CREBRF: variants seen among roughly 807,000 people sequenced by gnomAD.
CREBRF encodes UPF0474 protein C5orf41.
A neutral mutation model predicts 66.1 loss-of-function variants in CREBRF; 5 were observed. The observed-to-expected ratio is 0.08, with a 90% confidence interval of 0.04 to 0.16. CREBRF has a LOEUF of 0.16. Among genes scored for constraint, CREBRF ranks in the 10% least tolerant of loss-of-function variants. CREBRF has a pLI of 1.00. For synonymous variants in CREBRF, 229 were observed against 264.4 expected (o/e 0.87, Z 1.30); for missense variants, 531 against 744.9 (o/e 0.71, Z 3.34).
intron 4 of CREBRF, among the ~76,000 whole-genome samples, chr5:173,103,748 G>T (rs1299899890): frequency 6.6e-6 from 1 of 152,174 alleles, no homozygotes; most frequent in Non-Finnish European, 1.5e-5. Context: ...TTACATGATT[G>T]TAAGGCTAAG....
chr5:173,061,756 G>T (rs1274435100), intron 1 of CREBRF, among the ~76,000 whole-genome samples: 1 of 152,190 alleles, frequency 6.6e-6, no homozygotes, highest in African/African-American at 2.4e-5. Context: ...GGCCCAAAAA[G>T]ATACAGGTTA....
In CREBRF at chr5:173,098,614, A is replaced by G. The variant is rs1169240156; in HGVS notation, c.1222+7213A>G. Among the ~76,000 whole-genome samples, 4 of 152,114 alleles carry G rather than the reference A, an allele frequency of 2.6e-5. No individual in the cohort carries two copies. The East Asian group carries it at 7.7e-4, about 29-fold the overall frequency. On this transcript the variant is annotated intron_variant, in intron 4 of 8. Transcript: ENST00000296953. ...TGTTCTATATATGTCTGTTAGGTCC[A>G]TTTGGTCTGAAGTGTTATTCAAATC...
chr5:173,080,768 G>T lies in CREBRF; in HGVS notation c.-8G>T. On this transcript the variant is annotated 5_prime_UTR_variant, in exon 2 of 9. Transcript: ENST00000296953. ...TTGGAATCGGATTCACAGGATCTGG[G>T]CTTGGAAATGCCTCAGGTAAATCAT... 1 of 1,613,598 alleles carries T rather than the reference G, an allele frequency of 6.2e-7. No homozygotes were observed.
Position 173,091,164 on chromosome 5 carries a change from T to A in CREBRF, c.985T>A (p.Ser329Thr). 6.2e-7 allele frequency: 1 copy of A among 1,614,154 alleles called. No homozygotes were observed. The highest frequency in any genetic ancestry group is 8.5e-7 in the Non-Finnish European group (1 of 1,180,036). Residue 329 changes from serine (S) to threonine (T), a missense_variant, in exon 4 of 9, where the codon TCC becomes ACC. This residue lies in a region of CREBRF where 309 missense variants were observed against 341.4 expected (regional missense o/e 0.90). Coordinates refer to ENST00000296953, the MANE Select transcript of CREBRF (RefSeq NM_153607.3). The stretch of plus-strand genomic sequence containing the variant: ...TGCCAGTACATCAGTCTCAGATTCA[T>A]CCCAGAAAAAAGAAGAGCACAATTA... The part of the protein sequence containing the change: ...LSASTSVSDS[S>T]QKKEEHNYSL...
At chr5:173,076,320 A>T (rs1303658096) in intron 1 of CREBRF, among the ~76,000 whole-genome samples, 2 of 152,202 alleles carry the variant, frequency 1.3e-5, no homozygotes, top group Non-Finnish European at 2.9e-5. Context: ...TACTGTTAGG[A>T]TGGCATTTAA....
chr5:173,065,269 G>T (rs1209116318), intron 1 of CREBRF, among the ~76,000 whole-genome samples: 2 of 152,202 alleles, frequency 1.3e-5, no homozygotes, highest in East Asian at 3.8e-4. Context: ...AAGTATAAAA[G>T]ATGTGTAGTG....
chr5:173,113,696 T>C (rs1758920713), intron 7 of CREBRF, among the ~76,000 whole-genome samples: 2 of 152,180 alleles, frequency 1.3e-5, no homozygotes. Context: ...GCATTTCACA[T>C]TGTAGCACAT....
At chr5:173,127,246 T>G (rs1217662846) in intron 8 of CREBRF, among the ~76,000 whole-genome samples, 5 of 139,132 alleles carry the variant, frequency 3.6e-5, no homozygotes, top group Admixed American at 1.5e-4. Context: ...CACTGCAACC[T>G]CCGCCTCCTG....
chr5:173,134,750 GAAAA>G lies in CREBRF; in HGVS notation c.*1010_*1013del, dbSNP rs1211614511. On this transcript the variant is annotated 3_prime_UTR_variant, in exon 9 of 9. Transcript: ENST00000296953. ...TGTATGAATGTATGAAAAAAAAGGA[GAAAA>G]AAAAGAAAAAAAAAGGTCAGGGTTA... The G allele has an allele frequency of 6.7e-6, 1 of 149,934 alleles. No homozygotes were observed. Among genetic ancestry groups the G allele is most frequent in the Non-Finnish European group, 1.5e-5 (1 of 67,250 alleles). The allele number at this position is 149,934 out of a possible 1,614,324, so 9.3% of individuals were successfully genotyped here. A position where few individuals can be genotyped will look rare whatever the true frequency, so the allele number is the denominator to read the frequency against.
chr5:173,117,537 C>T (rs1759021779), intron 7 of CREBRF, among the ~76,000 whole-genome samples: 1 of 68,574 alleles, frequency 1.5e-5, no homozygotes, highest in Non-Finnish European at 3.0e-5. Flanking sequence ...CCCCTCTCCT[C>T]TTCCCTTCCC....
rs748420948 is a variant in CREBRF at position 173,091,120 on chromosome 5, G to A, written c.941G>A (p.Gly314Glu). 19 of 1,614,220 alleles carry A rather than the reference G, an allele frequency of 1.2e-5. No individual in the cohort carries two copies. In the East Asian group the frequency reaches 4.0e-4, roughly 34 times the overall value. ...PQEGPGSLAAGESSSLSASTS... is the reference protein window; with the variant it reads ...PQEGPGSLAAEESSSLSASTS... ...GAAGGTCCTGGGTCACTTGCAGCAG[G>A]AGAGAGCAGCAGTCTTTCTGCCAGT... The change falls in exon 4 of 9, where the codon GGA (glycine) becomes GAA (glutamate). Residue 314 changes from glycine to glutamate, a missense_variant. Gly to Glu is a moderately conservative substitution (Grantham distance 98). Transcript: ENST00000296953.
intron 4 of CREBRF, among the ~76,000 whole-genome samples, chr5:173,097,483 G>A (rs1758506333): frequency 1.3e-5 from 2 of 152,282 alleles, no homozygotes; most frequent in South Asian, 4.1e-4. Context: ...GACCTCAGTT[G>A]ATCTGCCCGC....
At chr5:173,092,167 G>T in intron 4 of CREBRF, 1 of 930,184 alleles carries the variant, frequency 1.1e-6, no homozygotes, top group Non-Finnish European at 1.3e-6. Flanking sequence ...GGAGTATATA[G>T]AATGTTGAAC....
At position 173,082,013 on chromosome 5, in the gene CREBRF, T is replaced by TG. The variant is rs1554123731; in HGVS notation, c.9+1229_9+1230insG. ...CCCATTCAAGGTTTAGTTTTTTTTTTTTTTTTTTTTTTTTTTTTGAGCTGG... is the reference window on the plus strand; with the variant it reads ...CCCATTCAAGGTTTAGTTTTTTTTTTGTTTTTTTTTTTTTTTTTTGAGCTGG... On this transcript the variant is annotated intron_variant, in intron 2 of 8. Transcript: ENST00000296953. 6.4e-3 allele frequency among the ~76,000 whole-genome samples: 793 copies of TG among 123,614 alleles called. 9 individuals carry two copies. The highest frequency in any genetic ancestry group is 0.018 in the South Asian group (58 of 3,208). The allele number at this position is 123,614 out of a possible 152,430, so 81.1% of individuals were successfully genotyped here.
In CREBRF at chr5:173,108,659, G is replaced by T; in HGVS notation, c.1258G>T (p.Val420Leu). ...ENDSVEDLKE[V>L]TSISSRKRGK... ...TGATTCTGTAGAAGACCTGAAGGAG[G>T]TGACTTCAATATCTTCACGGAAGAG... The change falls in exon 5 of 9, where the codon GTG becomes TTG. Residue 420 changes from valine (V) to leucine (L), a missense_variant. Val to Leu is a conservative substitution (Grantham distance 32). Transcript: ENST00000296953. 6.2e-7 allele frequency: 1 copy of T among 1,612,932 alleles called. No homozygotes were observed. The highest frequency in any genetic ancestry group is 1.1e-5 in the South Asian group (1 of 90,618).
At chr5:173,120,520 C>T (rs1234648339) in intron 7 of CREBRF, among the ~76,000 whole-genome samples, 6 of 151,334 alleles carry the variant, frequency 4.0e-5, no homozygotes, top group East Asian at 3.9e-4. Flanking sequence ...GCTGGGATTA[C>T]AGGCATACAC....
chr5:173,086,113 G>C, intron 2 of CREBRF: 1 of 807,954 alleles, frequency 1.2e-6, no homozygotes, highest in Non-Finnish European at 2.2e-6. Context: ...AAAACAGTAC[G>C]TTATTCCGAT....
At chr5:173,095,912 T>C (rs1285196042) in intron 4 of CREBRF, among the ~76,000 whole-genome samples, 1 of 152,156 alleles carries the variant, frequency 6.6e-6, no homozygotes, top group Admixed American at 6.5e-5. Flanking sequence ...TTTTGAATAA[T>C]GATTTTGTAT....
intron 1 of CREBRF, among the ~76,000 whole-genome samples, chr5:173,076,419 A>T: frequency 6.6e-6 from 1 of 151,926 alleles, no homozygotes; most frequent in East Asian, 1.9e-4. Context: ...TTTCAACTTT[A>T]CTGAGGATTA....
Sources: gnomAD v4.1 joint callset for allele counts (sites outside exome capture counted in the v4.1 genomes callset) on GRCh38, gnomAD v4.1.1 for gene constraint, gnomAD v4.1.1 regional missense constraint, MANE v1.5 for transcripts, NCBI Gene and HGNC (gene_info 2026-07-23, HGNC 2026-07-21) for gene names.